Variants in MRPS6 observed in about 807,000 individuals in gnomAD.
The protein encoded by MRPS6 is small ribosomal subunit protein bS6m.
MRPS6 carries 6 observed loss-of-function variants against 13.1 expected under a neutral mutation model. That is an observed-to-expected ratio of 0.46 (90% CI 0.25 to 0.91). The LOEUF (loss-of-function observed/expected upper bound fraction) is 0.91, where lower values mean the gene tolerates loss of function less well. Ranked by LOEUF, MRPS6 falls within the 40% of genes least tolerant of loss-of-function variation. The probability of loss-of-function intolerance (pLI) is 0.18; values close to 1 mark genes in which losing one functional copy is unlikely to be tolerated. For synonymous variants in MRPS6, 61 were observed against 56.5 expected (o/e 1.08, Z -0.36); for missense variants, 164 against 155.6 (o/e 1.05, Z -0.29).
intron 2 of MRPS6, among the ~76,000 whole-genome samples, chr21:34,130,661 G>T (rs1236245869): frequency 6.6e-6 from 1 of 152,164 alleles, no homozygotes; most frequent in South Asian, 2.1e-4. Context: ...GATCACGTGG[G>T]CAAGTTCTAC....
In MRPS6 at chr21:34,073,650, GC is replaced by G; in HGVS notation, c.-50del. The stretch of plus-strand genomic sequence containing the variant: ...ACTGTCCCCGCCGTCCCGCCCCTTC[GC>G]GTCCCGGGAACCGGCTGGCTTCCGA... On this transcript the variant is annotated 5_prime_UTR_variant, in exon 1 of 3. Transcript: ENST00000399312. The G allele has an allele frequency of 6.7e-7, 1 of 1,489,582 alleles. No individual in the cohort carries two copies. The highest frequency in any genetic ancestry group is 9.1e-7 in the Non-Finnish European group (1 of 1,102,860). 92.3% of individuals were successfully genotyped at this position (1,489,582 alleles called of 1,614,324 possible).
chr21:34,136,937 AAGTT>A (rs1243784811), intron 2 of MRPS6, among the ~76,000 whole-genome samples: 2 of 152,184 alleles, frequency 1.3e-5, no homozygotes, highest in African/African-American at 4.8e-5. Flanking sequence ...GTAGGGAAGA[AAGTT>A]CGGTTTTTTT....
intron 1 of MRPS6, among the ~76,000 whole-genome samples, chr21:34,117,503 G>A (rs1243669823): frequency 6.6e-6 from 1 of 152,126 alleles, no homozygotes; most frequent in Non-Finnish European, 1.5e-5. Flanking sequence ...ACTTACAAGT[G>A]TCTGTCTTCC....
chr21:34,103,597 G>A (rs1465572788), intron 1 of MRPS6: 1 of 1,000,122 alleles, frequency 1.0e-6, no homozygotes, highest in South Asian at 4.7e-5. Context: ...ACACATTAGT[G>A]TACCCACACA....
chr21:34,102,275 A>G, intron 1 of MRPS6: 1 of 999,786 alleles, frequency 1.0e-6, no homozygotes, highest in Non-Finnish European at 1.2e-6. Context: ...TAGTAGTCAT[A>G]TAAATGTTTT....
At chr21:34,105,061 T>G in intron 1 of MRPS6, 1 of 1,000,198 alleles carries the variant, frequency 1.0e-6, no homozygotes, top group Non-Finnish European at 1.2e-6. Flanking sequence ...TAGACTTTTC[T>G]GTGGGGTTAT....
intron 1 of MRPS6, among the ~76,000 whole-genome samples, chr21:34,106,861 A>G (rs909278421): frequency 6.6e-6 from 1 of 151,828 alleles, no homozygotes; most frequent in Non-Finnish European, 1.5e-5. Context: ...CATTGCATTT[A>G]GCTTTTATGT....
chr21:34,080,743 ATGTT>A (rs1989440942), intron 1 of MRPS6, among the ~76,000 whole-genome samples: 1 of 152,312 alleles, frequency 6.6e-6, no homozygotes. Flanking sequence ...TGAGTCTTTC[ATGTT>A]TGTTCTGCTA....
At chr21:34,124,970 G>T in intron 1 of MRPS6, 1 of 159,964 alleles carries the variant, frequency 6.3e-6, no homozygotes, top group Non-Finnish European at 1.4e-5. Flanking sequence ...CTCTTCTCCT[G>T]GAATTTGAAT....
intron 1 of MRPS6, among the ~76,000 whole-genome samples, chr21:34,084,862 C>A (rs773696430): frequency 2.0e-4 from 30 of 152,130 alleles, no homozygotes; most frequent in Non-Finnish European, 4.4e-4. Context: ...AAGAGCAGTT[C>A]ATTTAACACT....
intron 1 of MRPS6, among the ~76,000 whole-genome samples, chr21:34,118,267 C>G (rs922529834): frequency 4.6e-5 from 7 of 151,982 alleles, no homozygotes; most frequent in Non-Finnish European, 8.8e-5. Context: ...GACCTGGAAG[C>G]CTTACCAATG....
Position 34,142,777 on chromosome 21 carries a change from T to TA in MRPS6, c.*177_*178insA. Reference sequence around the variant, plus strand: ...TTGCTTGCGAGAGGTGGGGAACTGCTCACTGACAGCTTCTCTGTAACCTGC... The same window carrying TA: ...TTGCTTGCGAGAGGTGGGGAACTGCTACACTGACAGCTTCTCTGTAACCTGC... On this transcript the variant is annotated 3_prime_UTR_variant, in exon 3 of 3. Transcript: ENST00000399312. 1 of 598,632 alleles carries TA rather than the reference T, an allele frequency of 1.7e-6. No homozygotes were observed. Among genetic ancestry groups the TA allele is most frequent in the South Asian group, 3.6e-5 (1 of 28,022 alleles). The allele number at this position is 598,632 out of a possible 1,614,324, so 37.1% of individuals were successfully genotyped here.
At chr21:34,139,869 C>T (rs1415196256) in intron 2 of MRPS6, among the ~76,000 whole-genome samples, 2 of 152,122 alleles carry the variant, frequency 1.3e-5, no homozygotes, top group Non-Finnish European at 2.9e-5. Context: ...TGAGCCCCAG[C>T]GCCTGACCTT....
At chr21:34,140,636 T>C (rs929544942) in intron 2 of MRPS6, among the ~76,000 whole-genome samples, 7 of 152,244 alleles carry the variant, frequency 4.6e-5, no homozygotes, top group African/African-American at 1.4e-4. Flanking sequence ...TAAGTAGTTC[T>C]ATCGATTACT....
chr21:34,087,544 T>C (rs979107411), intron 1 of MRPS6, among the ~76,000 whole-genome samples: 3 of 152,080 alleles, frequency 2.0e-5, no homozygotes, highest in Non-Finnish European at 4.4e-5. Context: ...GCGTGTTAGG[T>C]GTTGAGTACT....
chr21:34,129,143 A>G (rs985131151), intron 2 of MRPS6, among the ~76,000 whole-genome samples: 1 of 152,128 alleles, frequency 6.6e-6, no homozygotes, highest in Non-Finnish European at 1.5e-5. Context: ...AGAGGGAGCA[A>G]TGACAGGAGA....
At chr21:34,084,235 A>G (rs1989521574) in intron 1 of MRPS6, among the ~76,000 whole-genome samples, 2 of 152,014 alleles carry the variant, frequency 1.3e-5, no homozygotes, top group Non-Finnish European at 1.5e-5. Flanking sequence ...TGAATCTTCT[A>G]TTTATAACTT....
chr21:34,129,539 A>G (rs562312898), intron 2 of MRPS6, among the ~76,000 whole-genome samples: 316 of 152,314 alleles, frequency 2.1e-3, no homozygotes, highest in African/African-American at 7.0e-3. Context: ...CTTATAGCAG[A>G]GATCTGCTGG....
chr21:34,076,506 T>G (rs1040931565), intron 1 of MRPS6, among the ~76,000 whole-genome samples: 1 of 152,228 alleles, frequency 6.6e-6, no homozygotes, highest in African/African-American at 2.4e-5. Context: ...TTTCTCAGTT[T>G]GCAAGTAGAA....
Sources: allele counts gnomAD v4.1 joint callset (sites outside exome capture counted in the v4.1 genomes callset), GRCh38; gene constraint gnomAD v4.1.1; transcripts MANE v1.5; gene names NCBI Gene and HGNC (gene_info 2026-07-23, HGNC 2026-07-21).